CFAP53: variants seen among roughly 807,000 people sequenced by gnomAD.
The protein encoded by CFAP53 is cilia and flagella associated protein 53.
CFAP53 carries 62 observed loss-of-function variants against 59.7 expected under a neutral mutation model. The observed-to-expected ratio is 1.04, with a 90% CI of 0.85 to 1.28. CFAP53 has a LOEUF of 1.28. CFAP53 is among the 50% of genes most tolerant of loss of function. The pLI is 0.00. For synonymous variants in CFAP53, 218 were observed against 205.7 expected, an observed-to-expected ratio of 1.06 and a Z score of -0.51; for missense variants, 629 against 615.6, an observed-to-expected ratio of 1.02 and a Z score of -0.23.
At position 50,238,700 on chromosome 18, in the gene CFAP53, G is replaced by T; in HGVS notation, c.1219C>A (p.Arg407=). Residue 407 remains arginine, a synonymous_variant, in exon 7 of 8, where the codon CGA becomes AGA. Coordinates refer to ENST00000398545, the MANE Select transcript of CFAP53 (RefSeq NM_145020.5). The stretch of plus-strand genomic sequence containing the variant: ...CGTTCTTCCTGTTCTTTAGCTTCTC[G>T]TTGCACTAAGAAAAGCAAAAGTAAT... ...RKLQVQEKLQ[R]EAKEQEERAM... The T allele has an allele frequency of 6.2e-7, 1 of 1,607,982 alleles. No homozygotes were observed. The highest frequency in any genetic ancestry group is 1.1e-5 in the South Asian group (1 of 90,228).
chr18:50,262,670 A>G (rs1485218470), intron 1 of CFAP53, among the ~76,000 whole-genome samples: 4 of 152,226 alleles, frequency 2.6e-5, no homozygotes, highest in African/African-American at 9.6e-5. Context: ...ACATCAAAAT[A>G]CTTTCAATGA....
chr18:50,261,439 G>C (rs532686535), intron 2 of CFAP53, among the ~76,000 whole-genome samples: 1 of 152,204 alleles, frequency 6.6e-6, no homozygotes, highest in South Asian at 2.1e-4. Flanking sequence ...CTGTCACCCA[G>C]GCTGGAGTGC....
At chr18:50,262,687 G>A (rs1335151043) in intron 1 of CFAP53, among the ~76,000 whole-genome samples, 1 of 152,100 alleles carries the variant, frequency 6.6e-6, no homozygotes, top group African/African-American at 2.4e-5. Context: ...ATGAAAAGGT[G>A]CTACTATGCG....
At chr18:50,237,371 CACACACACACACAT>C (rs1391458895) in intron 7 of CFAP53, among the ~76,000 whole-genome samples, 1 of 94,008 alleles carries the variant, frequency 1.1e-5, no homozygotes, top group East Asian at 3.9e-4. Context: ...TATATATACA[CACACACACACACAT>C]ACACACACAC....
rs897906607 is a variant in CFAP53 at position 50,238,604 on chromosome 18, T to C, written c.1315A>G (p.Arg439Gly). The change falls in exon 7 of 8, where the codon AGA (arginine) becomes GGA (glycine). Residue 439 changes from arginine to glycine, a missense_variant and splice_region_variant. Physicochemically the swap from Arg to Gly is moderately radical, Grantham distance 125. Coordinates refer to ENST00000398545, the MANE Select transcript of CFAP53 (RefSeq NM_145020.5). ...ATGATACAGAAAACAAAATCATACC[T>C]TGCAAAATTCTCCTTCTCTTCACAG... ...LNCEEKENFA[R>G]RQRLAQEYRK... 29 of 1,605,596 alleles carry C rather than the reference T, an allele frequency of 1.8e-5. No individual in the cohort carries two copies. Among genetic ancestry groups the C allele is most frequent in the Non-Finnish European group, 2.1e-5 (25 of 1,175,366 alleles).
intron 5 of CFAP53, among the ~76,000 whole-genome samples, chr18:50,247,595 G>A (rs1378309134): frequency 6.6e-6 from 1 of 152,136 alleles, no homozygotes; most frequent in Non-Finnish European, 1.5e-5. Flanking sequence ...AACAAAATGT[G>A]GCATATCCAT....
In CFAP53 at chr18:50,227,300, C is replaced by T; in HGVS notation, c.*81G>A. Reference sequence around the variant, plus strand: ...CTCAGGGAAAAAAGAAAAGTTTATCCAGGAGTTAAAAGAAGCATACAAGCA... The same window carrying T: ...CTCAGGGAAAAAAGAAAAGTTTATCTAGGAGTTAAAAGAAGCATACAAGCA... On this transcript the variant is annotated 3_prime_UTR_variant, in exon 8 of 8. Transcript: ENST00000398545. 9.1e-7 allele frequency: 1 copy of T among 1,104,572 alleles called. No individual in the cohort carries two copies. The highest frequency in any genetic ancestry group is 1.6e-5 in the South Asian group (1 of 63,784). The allele number at this position is 1,104,572 out of a possible 1,614,324, so 68.4% of individuals were successfully genotyped here.
chr18:50,228,820 AC>A (rs1369971347), intron 7 of CFAP53, among the ~76,000 whole-genome samples: 74 of 151,986 alleles, frequency 4.9e-4, no homozygotes, highest in African/African-American at 1.7e-3. Flanking sequence ...AAAAAACAAA[AC>A]AAAAAAATTT....
chr18:50,233,775 A>T (rs1010728671), intron 7 of CFAP53, among the ~76,000 whole-genome samples: 22 of 152,238 alleles, frequency 1.4e-4, no homozygotes, highest in African/African-American at 5.3e-4. Context: ...GCGGACAGGC[A>T]CTCAAAGATA....
chr18:50,257,624 T>C (rs1035411419), intron 3 of CFAP53, among the ~76,000 whole-genome samples: 7 of 152,192 alleles, frequency 4.6e-5, no homozygotes, highest in Admixed American at 2.0e-4. Flanking sequence ...CATCAAAAAA[T>C]TGAAACATAT....
intron 3 of CFAP53, among the ~76,000 whole-genome samples, chr18:50,254,829 T>C (rs1304921183): frequency 6.6e-6 from 1 of 152,202 alleles, no homozygotes; most frequent in Non-Finnish European, 1.5e-5. Flanking sequence ...AGGCAGAGGC[T>C]GCAGTGAGCC....
chr18:50,243,038 C>A lies in CFAP53; in HGVS notation c.1075G>T (p.Glu359Ter). ...RREEEKAQEK[E>*]FDRILEEDKA... ...TCTTCCTCTAATATTCTGTCAAATT[C>A]TTTCTCCTGAGCTTTTTCTTCCTCA... Residue 359 changes from glutamate (E) to a stop codon, truncating the protein, a stop_gained, in exon 6 of 8, where the codon GAA becomes TAA. Coordinates refer to ENST00000398545, the MANE Select transcript of CFAP53 (RefSeq NM_145020.5). LOFTEE classifies it high-confidence loss of function. 2 of 1,613,938 alleles carry A rather than the reference C, an allele frequency of 1.2e-6. No individual in the cohort carries two copies. The highest frequency in any genetic ancestry group is 1.1e-5 in the South Asian group (1 of 91,080).
intron 5 of CFAP53, among the ~76,000 whole-genome samples, chr18:50,249,203 C>CAAAAAAAAAA (rs34676585): frequency 2.8e-4 from 29 of 105,108 alleles, no homozygotes; most frequent in Non-Finnish European, 3.9e-4. Flanking sequence ...AATTCTATCT[C>CAAAAAAAAAA]AAAAAAAAAA....
intron 5 of CFAP53, among the ~76,000 whole-genome samples, chr18:50,245,149 G>A (rs565584819): frequency 3.3e-5 from 5 of 151,350 alleles, no homozygotes; most frequent in East Asian, 3.9e-4. Flanking sequence ...TTGGGAGGCC[G>A]AGGCGGGTGG....
At position 50,250,858 on chromosome 18, in the gene CFAP53, A is replaced by C. The variant is rs575195344; in HGVS notation, c.896T>G (p.Ile299Ser). ...QKALQERIEH[I>S]QQEYRDEQDL... ...CTGTTCGTCTCTGTATTCCTGCTGA[A>C]TATGTTCTATCCTCTCTTGTAGGGC... Residue 299 changes from isoleucine to serine, a missense_variant, in exon 5 of 8, where the codon ATT becomes AGT. Ile to Ser is a moderately radical substitution (Grantham distance 142). Coordinates refer to ENST00000398545, the MANE Select transcript of CFAP53 (RefSeq NM_145020.5). The C allele has an allele frequency of 1.4e-5, 22 of 1,614,152 alleles. No homozygotes were observed. Among genetic ancestry groups the C allele is most frequent in the Middle Eastern group, 1.6e-4 (1 of 6,062 alleles).
chr18:50,262,289 C>A, intron 1 of CFAP53, 70 bp from the exon 2 acceptor site: 1 of 1,299,284 alleles, frequency 7.7e-7, no homozygotes. Context: ...ATTAGTTATG[C>A]TCTCAATCAA....
chr18:50,251,095 G>T, intron 4 of CFAP53, 119 bp from the exon 5 acceptor site: 2 of 854,206 alleles, frequency 2.3e-6, no homozygotes, highest in Non-Finnish European at 3.7e-6. Context: ...CCTGGATTTA[G>T]AGAGGCTGTA....
intron 5 of CFAP53, among the ~76,000 whole-genome samples, chr18:50,245,972 C>T (rs572803165): frequency 3.9e-5 from 6 of 152,278 alleles, no homozygotes; most frequent in African/African-American, 1.2e-4. Context: ...CTCACTGCAA[C>T]GTCCGCCTCC....
intron 7 of CFAP53, among the ~76,000 whole-genome samples, chr18:50,229,281 T>A (rs949868831): frequency 1.3e-5 from 2 of 152,190 alleles, no homozygotes; most frequent in African/African-American, 4.8e-5. Flanking sequence ...TTCTACTTTA[T>A]GTTTCTATAA....
Sources: gnomAD v4.1 joint callset for allele counts (sites outside exome capture counted in the v4.1 genomes callset) on GRCh38, gnomAD v4.1.1 for gene constraint, MANE v1.5 for transcripts, NCBI Gene and HGNC (gene_info 2026-07-23, HGNC 2026-07-21) for gene names.